FOXP1: variants seen among roughly 807,000 people sequenced by gnomAD.
FOXP1 encodes forkhead box P1.
Under a neutral mutation model 98.2 loss-of-function variants are expected in FOXP1, and 15 were observed. The ratio of observed to expected loss-of-function variants is 0.15; its 90% CI spans 0.10 to 0.24. FOXP1 has a LOEUF of 0.24. Among genes scored for constraint, FOXP1 ranks in the 10% least tolerant of loss-of-function variants. The pLI, the probability that FOXP1 is intolerant of heterozygous loss-of-function variation, is 1.00. For synonymous variants in FOXP1, 371 were observed against 314.5 expected (o/e 1.18, Z -1.90); for missense variants, 633 against 848.5 (o/e 0.75, Z 3.15).
At chr3:71,337,716 T>C (rs1475117078) in intron 4 of FOXP1, among the ~76,000 whole-genome samples, 1 of 152,168 alleles carries the variant, frequency 6.6e-6, no homozygotes, top group Non-Finnish European at 1.5e-5. Flanking sequence ...TGCTGGTACA[T>C]GGTAGCAAAA....
At chr3:71,335,625 C>T (rs984152954) in intron 4 of FOXP1, among the ~76,000 whole-genome samples, 30 of 152,254 alleles carry the variant, frequency 2.0e-4, no homozygotes, top group African/African-American at 6.3e-4. Flanking sequence ...GCACTGTTAG[C>T]GCTAAGATAA....
At position 71,198,319 on chromosome 3, in the gene FOXP1, G is replaced by A. The variant is rs376702675; in HGVS notation, c.63C>T (p.Gly21=). 1.7e-5 allele frequency: 27 copies of A among 1,610,368 alleles called. No homozygotes were observed. Among genetic ancestry groups the A allele is most frequent in the Middle Eastern group, 1.6e-4 (1 of 6,066 alleles). The change falls in exon 6 of 21, where the codon GGC becomes GGT. Residue 21 remains glycine, a synonymous_variant. Transcript: ENST00000649528. ...CGCACTCTAGTAAGTGGTTGCTGCC[G>A]CCCGACCCATTCTGGATGGCTGAAC... ...SNGSAIQNGS[G]GSNHLLECGG...
At chr3:71,433,739 C>T (rs1176827590) in intron 3 of FOXP1, among the ~76,000 whole-genome samples, 4 of 152,196 alleles carry the variant, frequency 2.6e-5, no homozygotes, top group African/African-American at 7.2e-5. Flanking sequence ...GGGAGAGCAG[C>T]TCCAAGCCCA....
chr3:71,470,360 G>A (rs1241035846), intron 3 of FOXP1, among the ~76,000 whole-genome samples: 2 of 152,220 alleles, frequency 1.3e-5, no homozygotes, highest in African/African-American at 4.8e-5. Flanking sequence ...ACAGCTAAGA[G>A]AATGTGTGTT....
intron 3 of FOXP1, among the ~76,000 whole-genome samples, chr3:71,485,284 A>G (rs528646128): frequency 6.6e-6 from 1 of 152,280 alleles, no homozygotes; most frequent in South Asian, 2.1e-4. Context: ...AGTGGTCAAA[A>G]ATATTTAAAA....
chr3:71,107,081 G>A (rs974979209), intron 7 of FOXP1, among the ~76,000 whole-genome samples: 17 of 152,128 alleles, frequency 1.1e-4, no homozygotes, highest in African/African-American at 3.9e-4. Flanking sequence ...ACCTTCAAGA[G>A]TGGGAATTAT....
At chr3:70,983,219 TAGA>T (rs554414959) in intron 14 of FOXP1, among the ~76,000 whole-genome samples, 1 of 151,186 alleles carries the variant, frequency 6.6e-6, no homozygotes, top group South Asian at 2.1e-4. Context: ...ATGACTTACT[TAGA>T]AGGTGGTGGT....
rs200415139 is a variant in FOXP1 at position 71,435,262 on chromosome 3, G to C, written c.-168+58164C>G. On this transcript the variant is annotated intron_variant, in intron 3 of 20. Coordinates refer to ENST00000649528, the MANE Select transcript of FOXP1 (RefSeq NM_001349338.3). ...AGGGAGGAAGGAAGAGAGGGAGGGAGGGAGGGAGGGAAGAAGGGAGGGAGG... is the reference window on the plus strand; with the variant it reads ...AGGGAGGAAGGAAGAGAGGGAGGGACGGAGGGAGGGAAGAAGGGAGGGAGG... Among the ~76,000 whole-genome samples the C allele has an allele frequency of 2.7e-3, 15 of 5,494 alleles. 2 individuals are homozygous for C. Among genetic ancestry groups the C allele is most frequent in the African/African-American group, 0.011 (13 of 1,230 alleles). The allele number at this position is 5,494 out of a possible 152,430, so 3.6% of individuals were successfully genotyped here.
rs1559620706 is a variant in FOXP1, at chr3:70,977,910, A to G, written c.1266T>C (p.Ser422=). ...TGTGCATGCTGGTGGTTGTGATGAC[A>G]GAGGGGCCTTGGGTGACGGGAGTCA... ...APLTPVTQGP[S]VITTTSMHTV... is the part of the protein sequence containing the mutation. The change falls in exon 15 of 21, where the codon TCT becomes TCC. Residue 422 remains serine, a synonymous_variant. Coordinates refer to ENST00000649528, the MANE Select transcript of FOXP1 (RefSeq NM_001349338.3). The G allele has an allele frequency of 6.2e-7, 1 of 1,614,188 alleles. No homozygotes were observed. The highest frequency in any genetic ancestry group is 2.2e-5 in the East Asian group (1 of 44,872).
chr3:71,221,774 T>C (rs923871235), intron 5 of FOXP1, among the ~76,000 whole-genome samples: 3 of 152,224 alleles, frequency 2.0e-5, no homozygotes, highest in African/African-American at 7.2e-5. Flanking sequence ...CCTGTCTCTA[T>C]GTTTCTACCT....
intron 3 of FOXP1, among the ~76,000 whole-genome samples, chr3:71,439,791 A>G (rs868350986): frequency 1.1e-4 from 17 of 152,022 alleles, no homozygotes; most frequent in Admixed American, 2.6e-4. Context: ...TAAAAATACA[A>G]AAAAATTAGC....
intron 6 of FOXP1, among the ~76,000 whole-genome samples, chr3:71,165,708 G>A (rs1248690736): frequency 6.6e-6 from 1 of 152,174 alleles, no homozygotes; most frequent in Admixed American, 6.5e-5. Flanking sequence ...AACAAAAAAA[G>A]AAAAAATATG....
intron 3 of FOXP1, among the ~76,000 whole-genome samples, chr3:71,482,864 T>C (rs1448798703): frequency 1.3e-5 from 2 of 151,550 alleles, no homozygotes; most frequent in African/African-American, 4.9e-5. Context: ...AACGTCTGGC[T>C]CTGTCACCCA....
intron 6 of FOXP1, among the ~76,000 whole-genome samples, chr3:71,197,009 A>G (rs2063340612): frequency 6.6e-6 from 1 of 152,162 alleles, no homozygotes; most frequent in Non-Finnish European, 1.5e-5. Flanking sequence ...CCTTGTAAGG[A>G]GCTAACAGTC....
chr3:71,368,408 T>C (rs2079066676), intron 3 of FOXP1, among the ~76,000 whole-genome samples: 1 of 152,198 alleles, frequency 6.6e-6, no homozygotes, highest in South Asian at 2.1e-4. Flanking sequence ...ATTACAGGCA[T>C]GAGCCACCAT....
intron 3 of FOXP1, among the ~76,000 whole-genome samples, chr3:71,446,040 A>AGTGAGTGG (rs2086390079): frequency 1.3e-4 from 1 of 7,918 alleles, no homozygotes; most frequent in South Asian, 1.5e-3. Context: ...CTCATAGGTG[A>AGTGAGTGG]GTGAGTGAGT....
chr3:71,059,375 C>A (rs2107236893), intron 7 of FOXP1, among the ~76,000 whole-genome samples: 1 of 152,330 alleles, frequency 6.6e-6, no homozygotes, highest in South Asian at 2.1e-4. Flanking sequence ...GGAACATCAA[C>A]TGCTCTCCTC....
intron 3 of FOXP1, among the ~76,000 whole-genome samples, chr3:71,421,618 C>G (rs1050533796): frequency 1.3e-5 from 2 of 152,002 alleles, no homozygotes; most frequent in African/African-American, 4.8e-5. Flanking sequence ...CAGAACCCAG[C>G]CGACTCAGGA....
chr3:71,338,806 GA>G (rs1348480914), intron 4 of FOXP1, among the ~76,000 whole-genome samples: 1 of 152,130 alleles, frequency 6.6e-6, no homozygotes, highest in Admixed American at 6.5e-5. Context: ...GTGCAATAAA[GA>G]AGACACTAAC....
Sources: allele counts gnomAD v4.1 joint callset (sites outside exome capture counted in the v4.1 genomes callset), GRCh38; gene constraint gnomAD v4.1.1; transcripts MANE v1.5; gene names NCBI Gene and HGNC (gene_info 2026-07-23, HGNC 2026-07-21).